The following PARG variants were observed in gnomAD, a reference collection of about 807,000 sequenced individuals.
The protein encoded by PARG is poly(ADP-ribose) glycohydrolase.
Under a neutral mutation model 113.0 loss-of-function variants are expected in PARG, and 35 were observed. The ratio of observed to expected loss-of-function variants is 0.31; its 90% CI spans 0.24 to 0.41. The LOEUF (loss-of-function observed/expected upper bound fraction) is 0.41, where lower values mean the gene tolerates loss of function less well. Among genes scored for constraint, PARG ranks in the 10% least tolerant of loss-of-function variants. PARG has a pLI of 1.00. For synonymous variants in PARG, 330 were observed against 409.9 expected, an observed-to-expected ratio of 0.81 and a Z score of 2.36; for missense variants, 797 against 1,169.4, an observed-to-expected ratio of 0.68 and a Z score of 4.64.
intron 4 of PARG, among the ~76,000 whole-genome samples, chr10:49,925,620 AAT>A (rs1240854829): frequency 6.6e-6 from 1 of 152,204 alleles, no homozygotes; most frequent in Non-Finnish European, 1.5e-5. Flanking sequence ...AATTTCTTTA[AAT>A]ATTTTACAGA....
chr10:49,823,243 C>T (rs1044907318), intron 16 of PARG, among the ~76,000 whole-genome samples: 8 of 151,820 alleles, frequency 5.3e-5, no homozygotes, highest in African/African-American at 1.9e-4. Flanking sequence ...CATATATATG[C>T]ATACATAAAG....
chr10:49,841,307 AG>A (rs1437270260), intron 15 of PARG, among the ~76,000 whole-genome samples: 1 of 152,176 alleles, frequency 6.6e-6, no homozygotes, highest in African/African-American at 2.4e-5. Context: ...GAATAATTCG[AG>A]GAACTAAAAA....
At position 49,942,017 on chromosome 10, in the gene PARG, G is replaced by A; in HGVS notation, c.-292C>T. ...TGCCGTCAGGCGCTTCCGGCTTCCG[G>A]GGCGCACACTGCCGCAAAGCGGAAG... On this transcript the variant is annotated 5_prime_UTR_variant, in exon 1 of 18. Coordinates refer to ENST00000616448, the MANE Select transcript of PARG (RefSeq NM_003631.5). 1 of 1,013,684 alleles carries A rather than the reference G, an allele frequency of 9.9e-7. No individual in the cohort carries two copies. The highest frequency in any genetic ancestry group is 1.4e-6 in the Non-Finnish European group (1 of 693,364). 62.8% of individuals were successfully genotyped at this position (1,013,684 alleles called of 1,614,324 possible).
rs71026274 is a variant in PARG at position 49,828,092 on chromosome 10, C to CAAAAAAA, written c.2647+4704_2647+4710dup. 4.0e-3 allele frequency among the ~76,000 whole-genome samples: 204 copies of CAAAAAAA among 50,416 alleles called. 45 individuals carry two copies. The highest frequency in any genetic ancestry group is 5.6e-3 in the East Asian group (8 of 1,418). The allele number at this position is 50,416 out of a possible 152,430, so 33.1% of individuals were successfully genotyped here. Reference sequence around the variant, plus strand: ...TGAGACGAGATGTAGAAAGCTTAAACAAAAAAAAAAAAAAAAAAAAAAAAA... The same window carrying CAAAAAAA: ...TGAGACGAGATGTAGAAAGCTTAAACAAAAAAAAAAAAAAAAAAAAAAAAAAAAAAAA... On this transcript the variant is annotated intron_variant, in intron 16 of 17. Transcript: ENST00000616448.
chr10:49,856,777 A>C (rs1482702761), intron 13 of PARG, among the ~76,000 whole-genome samples: 3 of 152,088 alleles, frequency 2.0e-5, no homozygotes, highest in Non-Finnish European at 2.9e-5. Flanking sequence ...TGGGAGGCCG[A>C]GGCGGGCGGA....
chr10:49,936,669 T>C (rs1341750083), intron 1 of PARG, among the ~76,000 whole-genome samples: 2 of 152,196 alleles, frequency 1.3e-5, no homozygotes, highest in Non-Finnish European at 1.5e-5. Context: ...AGATTTGAGA[T>C]ACTCACTAAA....
At chr10:49,900,792 A>C (rs543685132) in intron 7 of PARG, among the ~76,000 whole-genome samples, 31 of 151,646 alleles carry the variant, frequency 2.0e-4, no homozygotes, top group African/African-American at 7.5e-4. Context: ...GTACGACTAC[A>C]TGGCCATATC....
intron 7 of PARG, among the ~76,000 whole-genome samples, chr10:49,889,868 T>C (rs1847684085): frequency 6.6e-6 from 1 of 152,192 alleles, no homozygotes; most frequent in Admixed American, 6.5e-5. Context: ...CTAATGCTGC[T>C]TTGGAAACAC....
intron 9 of PARG, among the ~76,000 whole-genome samples, chr10:49,876,581 G>C (rs1302123985): frequency 6.6e-6 from 1 of 152,224 alleles, no homozygotes; most frequent in Non-Finnish European, 1.5e-5. Flanking sequence ...TAGGAACCTA[G>C]AGTAGCAAAC....
chr10:49,883,554 C>T (rs1847313201), intron 8 of PARG, among the ~76,000 whole-genome samples: 1 of 147,702 alleles, frequency 6.8e-6, no homozygotes, highest in Admixed American at 6.8e-5. Flanking sequence ...ATTTCAGCAC[C>T]ATGGGAGGCA....
chr10:49,896,723 T>C lies in PARG; in HGVS notation c.1738-11428A>G, dbSNP rs536971185. Among the ~76,000 whole-genome samples, 30 of 152,334 alleles carry C rather than the reference T, an allele frequency of 2.0e-4. No individual in the cohort carries two copies. In the East Asian group the frequency reaches 5.8e-3, roughly 29 times the overall value. Reference sequence around the variant, plus strand: ...ATGAACTCTGCTTAGTAATCATGTATTATCCTTTTTACATATTTCTAGATT... The same window carrying C: ...ATGAACTCTGCTTAGTAATCATGTACTATCCTTTTTACATATTTCTAGATT... On this transcript the variant is annotated intron_variant, in intron 7 of 17. Transcript: ENST00000616448.
In PARG at chr10:49,922,305, T is replaced by A. The variant is rs115567191; in HGVS notation, c.1662+31A>T. On this transcript the variant is annotated intron_variant, in intron 6 of 17. Transcript: ENST00000616448. ...TTTGAAAGAGGAGACACAGGGCCCATAAACAGGCAAGCATGGTAAAAACAA... is the reference window on the plus strand; with the variant it reads ...TTTGAAAGAGGAGACACAGGGCCCAAAAACAGGCAAGCATGGTAAAAACAA... 3.1e-4 allele frequency: 488 copies of A among 1,580,344 alleles called. 3 individuals are homozygous for A. The African/African-American group carries it at 6.1e-3, about 20-fold the overall frequency.
intron 7 of PARG, among the ~76,000 whole-genome samples, chr10:49,895,919 T>C (rs1458085510): frequency 6.6e-6 from 1 of 152,204 alleles, no homozygotes; most frequent in African/African-American, 2.4e-5. Context: ...GGCAAGTATA[T>C]AAAAATATAA....
intron 4 of PARG, 93 bp downstream of exon 4, chr10:49,932,007 T>C (rs1838511702): frequency 2.7e-6 from 2 of 741,198 alleles, no homozygotes; most frequent in South Asian, 3.3e-5. Flanking sequence ...ACAGAAGAAC[T>C]TTCTAAGCCT....
intron 7 of PARG, among the ~76,000 whole-genome samples, chr10:49,904,333 G>C (rs573269740): frequency 6.6e-6 from 1 of 151,340 alleles, no homozygotes; most frequent in African/African-American, 2.4e-5. Flanking sequence ...AAAAAGATTT[G>C]CATATAACCT....
In PARG at chr10:49,933,364, C is replaced by T. The variant is rs1554910343; in HGVS notation, c.1084G>A (p.Gly362Ser). The change falls in exon 3 of 18, where the codon GGT (glycine) becomes AGT (serine). Residue 362 changes from glycine to serine, a missense_variant. By Grantham distance (56) the Gly-to-Ser change is moderately conservative. This residue lies in a region of PARG where 252 missense variants were observed against 437.4 expected (regional missense o/e 0.58). Transcript: ENST00000616448. ...EFRKRYSTKG[G>S]EVRLHFQFEG... The stretch of plus-strand genomic sequence containing the variant: ...AATTGGAAATGTAATCTAACTTCAC[C>T]GCCCTTAGTAGAGTACCGTTTCCTA... 9.9e-6 allele frequency: 16 copies of T among 1,611,202 alleles called. No individual in the cohort carries two copies. Among genetic ancestry groups the T allele is most frequent in the South Asian group, 4.4e-5 (4 of 91,030 alleles).
At chr10:49,912,960 AT>A (rs1471980156) in intron 7 of PARG, among the ~76,000 whole-genome samples, 1 of 152,254 alleles carries the variant, frequency 6.6e-6, no homozygotes, top group African/African-American at 2.4e-5. Flanking sequence ...AAATAAAAAA[AT>A]AAAAGAACCC....
intron 16 of PARG, among the ~76,000 whole-genome samples, chr10:49,825,294 C>T (rs982052680): frequency 2.6e-5 from 4 of 152,124 alleles, no homozygotes; most frequent in African/African-American, 9.7e-5. Context: ...GCTTTAAATA[C>T]ACTCTCTCTT....
chr10:49,878,544 G>A (rs1269925891), intron 9 of PARG, among the ~76,000 whole-genome samples: 4 of 146,438 alleles, frequency 2.7e-5, no homozygotes, highest in Non-Finnish European at 6.1e-5. Flanking sequence ...CTTGAACCCG[G>A]GAGGTGGAGG....
Sources: gnomAD v4.1 joint callset for allele counts (sites outside exome capture counted in the v4.1 genomes callset) on GRCh38, gnomAD v4.1.1 for gene constraint, gnomAD v4.1.1 regional missense constraint, MANE v1.5 for transcripts, NCBI Gene and HGNC (gene_info 2026-07-23, HGNC 2026-07-21) for gene names.